Variants in COL13A1 observed in about 807,000 individuals in gnomAD.
The protein encoded by COL13A1 is collagen type XIII alpha 1 chain, also known as collagen alpha-1(XIII) chain.
Under a neutral mutation model 130.9 loss-of-function variants are expected in COL13A1, and 89 were observed. That is an observed-to-expected ratio of 0.68 (90% CI 0.57 to 0.81). The LOEUF (loss-of-function observed/expected upper bound fraction) is 0.81, where lower values mean the gene tolerates loss of function less well. Among genes scored for constraint, COL13A1 ranks in the 30% least tolerant of loss-of-function variants. The probability of loss-of-function intolerance (pLI) is 0.00; values close to 1 mark genes in which losing one functional copy is unlikely to be tolerated. For synonymous variants in COL13A1, 402 were observed against 341.6 expected, an observed-to-expected ratio of 1.18 and a Z score of -1.95; for missense variants, 879 against 934.6, an observed-to-expected ratio of 0.94 and a Z score of 0.78.
intron 21 of COL13A1, among the ~76,000 whole-genome samples, chr10:69,920,799 T>C (rs1300615206): frequency 6.6e-6 from 1 of 152,184 alleles, no homozygotes; most frequent in Non-Finnish European, 1.5e-5. Context: ...ATACAGCTGC[T>C]CTGTGAAAAG....
chr10:69,899,051 C>T (rs1037454328), intron 14 of COL13A1, among the ~76,000 whole-genome samples: 1 of 152,210 alleles, frequency 6.6e-6, no homozygotes, highest in African/African-American at 2.4e-5. Flanking sequence ...CATTCACCAA[C>T]AGTTTTATGA....
At chr10:69,949,491 G>A (rs1252247821) in intron 38 of COL13A1, among the ~76,000 whole-genome samples, 1 of 152,156 alleles carries the variant, frequency 6.6e-6, no homozygotes, top group Non-Finnish European at 1.5e-5. Context: ...CCAGAGATTT[G>A]TTTTATCTTA....
chr10:69,879,645 T>C (rs1364706721), intron 6 of COL13A1, among the ~76,000 whole-genome samples: 1 of 152,256 alleles, frequency 6.6e-6, no homozygotes, highest in Non-Finnish European at 1.5e-5. Flanking sequence ...AGAGCCGCTC[T>C]CAGCATTCCT....
rs748436812 is a variant in COL13A1 at position 69,947,335 on chromosome 10, G to A, written c.2051G>A (p.Gly684Glu). 1.2e-6 allele frequency: 2 copies of A among 1,612,708 alleles called. No individual in the cohort carries two copies. Among genetic ancestry groups the A allele is most frequent in the Non-Finnish European group, 1.7e-6 (2 of 1,179,336 alleles). The stretch of plus-strand genomic sequence containing the variant: ...TTACATGGACCACCCGGGGACAAGG[G>A]AAACCGGGTGAGTCTGAGCCCCTGC... The part of the protein sequence containing the change: ...PGLHGPPGDK[G>E]NRGERGKKGS... Residue 684 changes from glycine to glutamate, a missense_variant, in exon 38 of 41, where the codon GGA becomes GAA. Coordinates refer to ENST00000645393, the MANE Select transcript of COL13A1 (RefSeq NM_001368882.1).
At position 69,885,509 on chromosome 10, in the gene COL13A1, G is replaced by A. The variant is rs537535040; in HGVS notation, c.514-1947G>A. The stretch of plus-strand genomic sequence containing the variant: ...TGGTGTCCCAGTTTCCACTTGGTCC[G>A]TGACAACATTCTTCCCCAGATCTCT... On this transcript the variant is annotated intron_variant, in intron 7 of 40. Coordinates refer to ENST00000645393, the MANE Select transcript of COL13A1 (RefSeq NM_001368882.1). Among the ~76,000 whole-genome samples the A allele has an allele frequency of 5.6e-4, 85 of 152,292 alleles. No homozygotes were observed. In the Middle Eastern group the frequency reaches 0.014, roughly 24 times the overall value.
Position 69,902,873 on chromosome 10 carries a change from C to T in COL13A1, c.858+18C>T. On this transcript the variant is annotated intron_variant, in intron 15 of 40. Transcript: ENST00000645393. Reference sequence around the variant, plus strand: ...GGCCACCTGTAAGTATTCCCTTCCTCTCTCCTTCAAGACTTATCCCAAGAA... The same window carrying T: ...GGCCACCTGTAAGTATTCCCTTCCTTTCTCCTTCAAGACTTATCCCAAGAA... 1 of 1,496,836 alleles carries T rather than the reference C, an allele frequency of 6.7e-7. No individual in the cohort carries two copies. The highest frequency in any genetic ancestry group is 2.3e-5 in the Admixed American group (1 of 42,894). 92.7% of individuals were successfully genotyped at this position (1,496,836 alleles called of 1,614,324 possible). A position where few individuals can be genotyped will look rare whatever the true frequency, so the allele number is the denominator to read the frequency against.
Position 69,872,167 on chromosome 10 carries a change from G to C in COL13A1, c.373-17G>C, listed in dbSNP as rs374525881. On this transcript the variant is annotated splice_polypyrimidine_tract_variant and intron_variant, in intron 3 of 40. Transcript: ENST00000645393. ...CGATACCTGCCTGACCTACGTAAAC[G>C]TCACTCTTCATTTCAGGGTCCCACT... The C allele has an allele frequency of 2.5e-6, 4 of 1,613,898 alleles. No homozygotes were observed. Among genetic ancestry groups the C allele is most frequent in the Non-Finnish European group, 3.4e-6 (4 of 1,179,900 alleles).
chr10:69,860,538 A>G (rs1857717050), intron 2 of COL13A1, among the ~76,000 whole-genome samples: 1 of 152,122 alleles, frequency 6.6e-6, no homozygotes, highest in Admixed American at 6.5e-5. Flanking sequence ...CTGTCGAGAC[A>G]CCATTTCCCT....
chr10:69,900,794 T>C (rs1252280431), intron 14 of COL13A1, among the ~76,000 whole-genome samples: 1 of 152,230 alleles, frequency 6.6e-6, no homozygotes, highest in Non-Finnish European at 1.5e-5. Flanking sequence ...AGGGAGAGTC[T>C]GCAGTTCCAA....
At chr10:69,888,077 C>T (rs1022396796) in intron 8 of COL13A1, among the ~76,000 whole-genome samples, 7 of 152,206 alleles carry the variant, frequency 4.6e-5, no homozygotes, top group South Asian at 2.1e-4. Flanking sequence ...TTCTCTCTTG[C>T]GCTGTGCACC....
intron 6 of COL13A1, among the ~76,000 whole-genome samples, chr10:69,879,791 G>A (rs776763594): frequency 2.6e-5 from 4 of 152,156 alleles, no homozygotes; most frequent in Admixed American, 6.5e-5. Flanking sequence ...AGCACTTTGA[G>A]CTCATCATTC....
chr10:69,953,886 T>G (rs2070112415), intron 39 of COL13A1: 2 of 152,722 alleles, frequency 1.3e-5, no homozygotes, highest in African/African-American at 4.8e-5. Flanking sequence ...GGCCTCTCTA[T>G]TCCATGGTTG....
intron 2 of COL13A1, among the ~76,000 whole-genome samples, chr10:69,845,350 G>T (rs907334000): frequency 2.6e-5 from 4 of 151,790 alleles, no homozygotes; most frequent in Admixed American, 2.6e-4. Flanking sequence ...CCACCACCAC[G>T]CCTGGCTAAT....
intron 38 of COL13A1, among the ~76,000 whole-genome samples, chr10:69,951,287 T>A (rs1191989371): frequency 6.6e-6 from 1 of 152,216 alleles, no homozygotes; most frequent in Admixed American, 6.5e-5. Context: ...ACCATTATTA[T>A]CATTATGAAG....
At chr10:69,921,132 C>T (rs1056119056) in intron 21 of COL13A1, among the ~76,000 whole-genome samples, 17 of 152,076 alleles carry the variant, frequency 1.1e-4, no homozygotes, top group African/African-American at 3.9e-4. Context: ...GTTAGCAGGG[C>T]GGGCTCCATC....
chr10:69,866,271 C>A (rs1332548236), intron 2 of COL13A1, among the ~76,000 whole-genome samples: 3 of 152,200 alleles, frequency 2.0e-5, no homozygotes, highest in African/African-American at 4.8e-5. Context: ...CTGGGGACAT[C>A]TCAGAGCTCT....
rs185829609 is a variant in COL13A1, at chr10:69,946,249, T to C, written c.2022+525T>C. On this transcript the variant is annotated intron_variant, in intron 37 of 40. Coordinates refer to ENST00000645393, the MANE Select transcript of COL13A1 (RefSeq NM_001368882.1). ...TGTGAGAGGACCAGGGCCTCTGCCA[T>C]GGGGACCCTGTAATGGGATGTAGCC... 2.0e-5 allele frequency among the ~76,000 whole-genome samples: 3 copies of C among 152,340 alleles called. No homozygotes were observed. The East Asian group carries it at 5.8e-4, about 29-fold the overall frequency.
intron 5 of COL13A1, among the ~76,000 whole-genome samples, chr10:69,875,617 GA>G (rs374176423): frequency 6.6e-6 from 1 of 152,344 alleles, no homozygotes; most frequent in African/African-American, 2.4e-5. Flanking sequence ...AAGAGATGGT[GA>G]AGACAGGGCT....
chr10:69,829,234 G>A, intron 2 of COL13A1: 3 of 985,360 alleles, frequency 3.0e-6, no homozygotes, highest in South Asian at 9.4e-5. Flanking sequence ...CCCTTGTTCA[G>A]GGTGCTGCCA....
Sources: gnomAD v4.1 joint callset for allele counts (sites outside exome capture counted in the v4.1 genomes callset) on GRCh38, gnomAD v4.1.1 for gene constraint, MANE v1.5 for transcripts, NCBI Gene and HGNC (gene_info 2026-07-23, HGNC 2026-07-21) for gene names.